PLOD2: variants seen among roughly 807,000 people sequenced by gnomAD.
PLOD2 encodes the protein lysine hydroxylase 2.
In PLOD2, 65 loss-of-function variants were observed where a neutral mutation model predicts 101.0. That is an observed-to-expected ratio of 0.64 (90% CI 0.53 to 0.79). The LOEUF is 0.79. Ranked by LOEUF, PLOD2 falls within the 30% of genes least tolerant of loss-of-function variation. The probability of loss-of-function intolerance (pLI) is 0.00; values close to 1 mark genes in which losing one functional copy is unlikely to be tolerated. For synonymous variants in PLOD2, 314 were observed against 302.9 expected (o/e 1.04, Z -0.38); for missense variants, 909 against 914.6 (o/e 0.99, Z 0.08).
intron 2 of PLOD2, chr3:146,123,320 T>G (rs2030312761): frequency 2.6e-6 from 3 of 1,132,890 alleles, no homozygotes; most frequent in Non-Finnish European, 3.3e-6. Context: ...TGACAGATCC[T>G]TCTTTCTATT....
At chr3:146,155,740 G>GAAAGAAAA (rs1018500834) in intron 1 of PLOD2, among the ~76,000 whole-genome samples, 1 of 147,620 alleles carries the variant, frequency 6.8e-6, no homozygotes, top group Non-Finnish European at 1.5e-5. Flanking sequence ...AAAGAAAAAA[G>GAAAGAAAA]AAAGAAAATT....
chr3:146,161,078 C>G lies in PLOD2; in HGVS notation c.-89G>C. 1 of 835,284 alleles carries G rather than the reference C, an allele frequency of 1.2e-6. No homozygotes were observed. The highest frequency in any genetic ancestry group is 2.4e-5 in the South Asian group (1 of 42,278). 51.7% of individuals were successfully genotyped at this position (835,284 alleles called of 1,614,324 possible). ...GAGAACGCAGAGACCCGGGTCCGCC[C>G]TGAGCCGCCGATTGCGGGCGGGAGC... On this transcript the variant is annotated 5_prime_UTR_variant, in exon 1 of 20. Coordinates refer to ENST00000282903, the MANE Select transcript of PLOD2 (RefSeq NM_182943.3).
chr3:146,079,277 A>G lies in PLOD2; in HGVS notation c.1359-20T>C. 2 of 1,571,498 alleles carry G rather than the reference A, an allele frequency of 1.3e-6. No individual in the cohort carries two copies. The highest frequency in any genetic ancestry group is 1.8e-6 in the Non-Finnish European group (2 of 1,142,720). On this transcript the variant is annotated intron_variant, in intron 12 of 19. Coordinates refer to ENST00000282903, the MANE Select transcript of PLOD2 (RefSeq NM_182943.3). Reference sequence around the variant, plus strand: ...ACTCCTCTGAAAGTAAAGAGAAGACATTCTTATATACCACAAATACAAACA... The same window carrying G: ...ACTCCTCTGAAAGTAAAGAGAAGACGTTCTTATATACCACAAATACAAACA...
chr3:146,143,065 TG>T (rs1246742055), intron 1 of PLOD2, among the ~76,000 whole-genome samples: 2 of 152,144 alleles, frequency 1.3e-5, no homozygotes, highest in African/African-American at 4.8e-5. Context: ...CCAAACTCAC[TG>T]CTCAGTGCAT....
At chr3:146,088,757 T>C (rs372591464) in intron 8 of PLOD2, 46 bp from the exon 9 acceptor site, 242 of 1,476,464 alleles carry the variant, frequency 1.6e-4, no homozygotes, top group Non-Finnish European at 2.1e-4. Context: ...ATTAGTATGG[T>C]TTTGTTTTAA....
chr3:146,092,412 C>T (rs1252759575), intron 7 of PLOD2, among the ~76,000 whole-genome samples: 1 of 152,012 alleles, frequency 6.6e-6, no homozygotes, highest in Non-Finnish European at 1.5e-5. Context: ...AGACACTAAG[C>T]TCTTCCAGGA....
At chr3:146,125,983 A>C (rs1308674103) in intron 1 of PLOD2, among the ~76,000 whole-genome samples, 4 of 152,172 alleles carry the variant, frequency 2.6e-5, no homozygotes, top group African/African-American at 9.6e-5. Context: ...ATTAACTACA[A>C]GTTTCAGTTT....
chr3:146,085,274 C>T lies in PLOD2; in HGVS notation c.1128-1G>A. 3 of 1,521,444 alleles carry T rather than the reference C, an allele frequency of 2.0e-6. No individual in the cohort carries two copies. The highest frequency in any genetic ancestry group is 2.7e-6 in the Non-Finnish European group (3 of 1,096,322). The allele number at this position is 1,521,444 out of a possible 1,614,324, so 94.2% of individuals were successfully genotyped here. ...CTTTTCATCCTGACGGCAAAAGTCC[C>T]TAACAGTGAAAAAGAAAATGAAATG... is the stretch of plus-strand genomic sequence containing the variant. On this transcript the variant is annotated splice_acceptor_variant, in intron 10 of 19. Coordinates refer to ENST00000282903, the MANE Select transcript of PLOD2 (RefSeq NM_182943.3). LOFTEE classifies it high-confidence loss of function.
chr3:146,071,036 A>T lies in PLOD2; in HGVS notation c.2121+6T>A. ...AAAAATCTAAAAACACAAGAGTCAT[A>T]ATTACCTGAAAGTCTTCTCCCACGT... is the stretch of plus-strand genomic sequence containing the variant. On this transcript the variant is annotated splice_donor_region_variant and intron_variant, in intron 19 of 19. Coordinates refer to ENST00000282903, the MANE Select transcript of PLOD2 (RefSeq NM_182943.3). 1 of 1,603,054 alleles carries T rather than the reference A, an allele frequency of 6.2e-7. No individual in the cohort carries two copies. The highest frequency in any genetic ancestry group is 8.5e-7 in the Non-Finnish European group (1 of 1,171,080).
At chr3:146,107,318 G>A (rs548608397) in intron 4 of PLOD2, among the ~76,000 whole-genome samples, 49 of 152,186 alleles carry the variant, frequency 3.2e-4, no homozygotes, top group African/African-American at 1.1e-3. Context: ...CATTAAGACC[G>A]CCAATAACAT....
At chr3:146,070,943 T>A (rs1936103447) in intron 19 of PLOD2, 71 bp from the exon 20 acceptor site, 1 of 1,515,988 alleles carries the variant, frequency 6.6e-7, no homozygotes, top group Non-Finnish European at 9.1e-7. Flanking sequence ...TTATGTCATT[T>A]GAGCAAAATT....
At chr3:146,140,940 G>C (rs1406973023) in intron 1 of PLOD2, among the ~76,000 whole-genome samples, 1 of 151,768 alleles carries the variant, frequency 6.6e-6, no homozygotes, top group African/African-American at 2.4e-5. Context: ...TTAATTTCCT[G>C]GTCTCCATTT....
intron 1 of PLOD2, among the ~76,000 whole-genome samples, chr3:146,153,168 C>T (rs11717610): frequency 0.22 from 33,772 of 152,004 alleles, 3,826 homozygotes; most frequent in South Asian, 0.27. Context: ...AGAACCCATC[C>T]GCCCTCTTCA....
intron 1 of PLOD2, among the ~76,000 whole-genome samples, chr3:146,149,250 A>G (rs1258619770): frequency 6.6e-6 from 1 of 152,230 alleles, no homozygotes; most frequent in Non-Finnish European, 1.5e-5. Flanking sequence ...AGAAGTTTCT[A>G]CAAACCAAAT....
rs1049649458 is a variant in PLOD2, at chr3:146,070,604, T to C, written c.*113A>G. The stretch of plus-strand genomic sequence containing the variant: ...AAATGTTTGGCCCAAAGTGAAGTTG[T>C]TCTGTTGATGTTATTTAAATATTCC... On this transcript the variant is annotated 3_prime_UTR_variant, in exon 20 of 20. Coordinates refer to ENST00000282903, the MANE Select transcript of PLOD2 (RefSeq NM_182943.3). The C allele has an allele frequency of 1.9e-5, 13 of 681,426 alleles. No homozygotes were observed. The African/African-American group carries it at 2.4e-4, about 12-fold the overall frequency. 42.2% of individuals were successfully genotyped at this position (681,426 alleles called of 1,614,324 possible). A position where few individuals can be genotyped will look rare whatever the true frequency, so the allele number is the denominator to read the frequency against.
Position 146,142,979 on chromosome 3 carries a change from T to C in PLOD2, c.109+17902A>G, listed in dbSNP as rs371098654. Among the ~76,000 whole-genome samples the C allele has an allele frequency of 1.6e-4, 24 of 152,190 alleles. No homozygotes were observed. In the South Asian group the frequency reaches 2.9e-3, roughly 18 times the overall value. On this transcript the variant is annotated intron_variant, in intron 1 of 19. Transcript: ENST00000282903. ...TGCTTTGGTTATAACACAATTTCTG[T>C]AAACTGAAAAATCTGCTTCAAGCAG...
intron 7 of PLOD2, among the ~76,000 whole-genome samples, chr3:146,096,895 G>T (rs1440358343): frequency 1.7e-5 from 2 of 119,782 alleles, no homozygotes; most frequent in East Asian, 5.3e-4. Context: ...GGGGGGAGTC[G>T]GCCAGCCGCC....
chr3:146,125,522 A>C (rs1054716117), intron 1 of PLOD2, among the ~76,000 whole-genome samples: 1 of 152,086 alleles, frequency 6.6e-6, no homozygotes, highest in Non-Finnish European at 1.5e-5. Context: ...CGAGGTGAGC[A>C]TATCACTTGA....
At chr3:146,151,658 C>A (rs2032061206) in intron 1 of PLOD2, among the ~76,000 whole-genome samples, 1 of 152,156 alleles carries the variant, frequency 6.6e-6, no homozygotes, top group African/African-American at 2.4e-5. Context: ...TTCTTCCCTG[C>A]AGCCCAGGTT....
Sources: allele counts gnomAD v4.1 joint callset (sites outside exome capture counted in the v4.1 genomes callset), GRCh38; gene constraint gnomAD v4.1.1; transcripts MANE v1.5; gene names NCBI Gene and HGNC (gene_info 2026-07-23, HGNC 2026-07-21).